TBC1D2B: variants seen among roughly 807,000 people sequenced by gnomAD.
TBC1D2B encodes the protein TBC1 domain family, member 2B.
TBC1D2B carries 64 observed loss-of-function variants against 100.8 expected under a neutral mutation model. The observed-to-expected ratio is 0.64, with a 90% confidence interval of 0.52 to 0.78. The LOEUF (loss-of-function observed/expected upper bound fraction) is 0.78. Ranked by LOEUF, TBC1D2B falls within the 30% of genes least tolerant of loss-of-function variation. TBC1D2B has a pLI of 0.00. For missense variants in TBC1D2B, 1,052 were observed against 1,218.4 expected, an observed-to-expected ratio of 0.86 and a Z score of 2.03; for synonymous variants, 480 against 479.7, an observed-to-expected ratio of 1.00 and a Z score of -0.01.
In TBC1D2B at chr15:77,996,971, A is replaced by T. The variant is rs1459703139; in HGVS notation, c.*1189T>A. ...CAGAAAGGCAGTCCTCTGAGTTCCC[A>T]GAAACTGCTGTGTCAGAGGCAACAG... On this transcript the variant is annotated 3_prime_UTR_variant, in exon 13 of 13. Transcript: ENST00000300584. The T allele has an allele frequency of 1.3e-5, 2 of 152,250 alleles. No homozygotes were observed. The highest frequency in any genetic ancestry group is 3.8e-4 in the East Asian group (2 of 5,204). The allele number at this position is 152,250 out of a possible 1,614,324, so 9.4% of individuals were successfully genotyped here.
rs1334385519 is a variant in TBC1D2B at position 78,030,113 on chromosome 15, C to T, written c.741G>A (p.Val247=). ...GRGHNDSRRT[V]FYTNEEWELL... is the part of the protein sequence containing the mutation. ...GTTCCCACTCTTCATTGGTATAAAACACAGTCCTCCGACTATCATTATGTC... is the reference window on the plus strand; with the variant it reads ...GTTCCCACTCTTCATTGGTATAAAATACAGTCCTCCGACTATCATTATGTC... Residue 247 remains valine, a synonymous_variant, in exon 4 of 13, where the codon GTG becomes GTA. Transcript: ENST00000300584. 1 of 1,613,902 alleles carries T rather than the reference C, an allele frequency of 6.2e-7. No individual in the cohort carries two copies. Among genetic ancestry groups the T allele is most frequent in the South Asian group, 1.1e-5 (1 of 91,084 alleles).
chr15:78,075,526 T>C (rs1306454515), intron 1 of TBC1D2B, among the ~76,000 whole-genome samples: 2 of 152,212 alleles, frequency 1.3e-5, no homozygotes, highest in African/African-American at 4.8e-5. Context: ...TACAGTCATC[T>C]GGGAAAAATG....
intron 3 of TBC1D2B, among the ~76,000 whole-genome samples, 189 bp downstream of exon 3, chr15:78,044,708 TGGC>T (rs2073159995): frequency 6.6e-6 from 1 of 152,238 alleles, no homozygotes; most frequent in South Asian, 2.1e-4. Flanking sequence ...TGAAACTGTT[TGGC>T]ATAGTGTCAG....
chr15:77,998,750 C>T, intron 12 of TBC1D2B: 1 of 180,618 alleles, frequency 5.5e-6, no homozygotes, highest in South Asian at 1.3e-4. Flanking sequence ...GGTATGTCTT[C>T]ATCCTTGGGC....
chr15:78,066,132 G>A (rs2073652033), intron 1 of TBC1D2B: 2 of 467,440 alleles, frequency 4.3e-6, no homozygotes, highest in Admixed American at 4.7e-5. Context: ...TGCTCAGGAA[G>A]GAACCCTAGC....
chr15:78,061,940 G>GAATTCACA (rs1803521414), intron 1 of TBC1D2B, among the ~76,000 whole-genome samples: 2 of 152,098 alleles, frequency 1.3e-5, no homozygotes, highest in African/African-American at 2.4e-5. Flanking sequence ...CACACGGGAA[G>GAATTCACA]GTTTAGCTAA....
At chr15:78,000,474 G>A (rs1411246782) in intron 12 of TBC1D2B, among the ~76,000 whole-genome samples, 1 of 152,228 alleles carries the variant, frequency 6.6e-6, no homozygotes, top group East Asian at 1.9e-4. Flanking sequence ...AACCCTCCAG[G>A]CTCACCGCAG....
At chr15:78,076,820 A>C (rs72732561) in intron 1 of TBC1D2B, among the ~76,000 whole-genome samples, 15,699 of 152,272 alleles carry the variant, frequency 0.1, 1,015 homozygotes, top group Non-Finnish European at 0.14. Context: ...TAATTCATTT[A>C]ATCCCAACAC....
intron 1 of TBC1D2B, among the ~76,000 whole-genome samples, chr15:78,059,125 G>A (rs1165530823): frequency 1.3e-5 from 2 of 152,194 alleles, no homozygotes; most frequent in Non-Finnish European, 2.9e-5. Context: ...CCTGATCTGG[G>A]TGTACATTTT....
chr15:78,003,767 C>T (rs902945400), intron 10 of TBC1D2B, among the ~76,000 whole-genome samples: 9 of 152,168 alleles, frequency 5.9e-5, no homozygotes, highest in Non-Finnish European at 8.8e-5. Context: ...AACTCCTGCA[C>T]TCAAAATGCC....
At chr15:78,077,072 A>G (rs7170452) in intron 1 of TBC1D2B, among the ~76,000 whole-genome samples, 135,376 of 152,272 alleles carry the variant, frequency 0.89, 60,881 homozygotes, top group East Asian at 0.99. Context: ...GGTGTCTGAG[A>G]AAGGAGACGG....
intron 3 of TBC1D2B, among the ~76,000 whole-genome samples, chr15:78,036,026 A>G (rs1030728831): frequency 1.3e-5 from 2 of 152,204 alleles, no homozygotes; most frequent in African/African-American, 2.4e-5. Flanking sequence ...GTAAATACAG[A>G]TAAGCCATGT....
intron 7 of TBC1D2B, chr15:78,017,125 G>T: frequency 5.9e-6 from 1 of 168,802 alleles, no homozygotes; most frequent in Non-Finnish European, 1.3e-5. Flanking sequence ...AGGACACTGT[G>T]GTCCAGGACT....
intron 12 of TBC1D2B, chr15:77,999,181 G>A: frequency 2.4e-6 from 1 of 421,650 alleles, no homozygotes; most frequent in Non-Finnish European, 4.9e-6. Context: ...CACCAACATG[G>A]GCTCATGCGC....
intron 6 of TBC1D2B, among the ~76,000 whole-genome samples, chr15:78,020,840 T>C (rs1353174766): frequency 6.6e-6 from 1 of 152,120 alleles, no homozygotes; most frequent in African/African-American, 2.4e-5. Context: ...ATAGATGAGC[T>C]GGAAGAAGGA....
At chr15:78,025,196 T>C in intron 5 of TBC1D2B, 63 bp downstream of exon 5, 1 of 1,440,796 alleles carries the variant, frequency 6.9e-7, no homozygotes, top group Non-Finnish European at 9.7e-7. Flanking sequence ...TAAATTGGGC[T>C]TTACTCCTCC....
intron 8 of TBC1D2B, 51 bp downstream of exon 8, chr15:78,016,494 AG>A: frequency 6.5e-7 from 1 of 1,542,368 alleles, no homozygotes; most frequent in Non-Finnish European, 8.9e-7. Context: ...CTGTTGAAAA[AG>A]GGACTTCAGA....
intron 10 of TBC1D2B, among the ~76,000 whole-genome samples, chr15:78,003,827 A>G (rs1596306178): frequency 6.6e-6 from 1 of 152,214 alleles, no homozygotes; most frequent in African/African-American, 2.4e-5. Flanking sequence ...AGCCTTGCCA[A>G]TCCACAAGTA....
chr15:78,016,907 G>A lies in TBC1D2B; in HGVS notation c.1582-168C>T, dbSNP rs2072391646. The A allele has an allele frequency of 3.6e-5, 21 of 579,394 alleles. 1 individual carries two copies. The highest frequency in any genetic ancestry group is 1.4e-4 in the South Asian group (6 of 42,034). 35.9% of individuals were successfully genotyped at this position (579,394 alleles called of 1,614,324 possible). A position where few individuals can be genotyped will look rare whatever the true frequency, so the allele number is the denominator to read the frequency against. Reference sequence around the variant, plus strand: ...ATTTATGCCACAGACCACCTTTCATGTTTAAAATGGCCTGCAGTGGGTTCC... The same window carrying A: ...ATTTATGCCACAGACCACCTTTCATATTTAAAATGGCCTGCAGTGGGTTCC... On this transcript the variant is annotated intron_variant, in intron 7 of 12. Transcript: ENST00000300584.
Sources: allele counts gnomAD v4.1 joint callset (sites outside exome capture counted in the v4.1 genomes callset), GRCh38; gene constraint gnomAD v4.1.1; transcripts MANE v1.5; gene names NCBI Gene and HGNC (gene_info 2026-07-23, HGNC 2026-07-21).